Variants in KTN1 observed in about 807,000 individuals in gnomAD.
The protein encoded by KTN1 is kinectin.
Under a neutral mutation model 222.5 loss-of-function variants are expected in KTN1, and 130 were observed. The ratio of observed to expected loss-of-function variants is 0.58; its 90% confidence interval spans 0.51 to 0.68. KTN1 has a LOEUF of 0.68. Among genes scored for constraint, KTN1 ranks in the 30% least tolerant of loss-of-function variants. The pLI is 0.00. For missense variants in KTN1, 1,508 were observed against 1,500.4 expected (o/e 1.01, Z -0.08); for synonymous variants, 512 against 496.3 (o/e 1.03, Z -0.42).
chr14:55,616,078 A>AT (rs35883742), intron 2 of KTN1, among the ~76,000 whole-genome samples: 1 of 151,438 alleles, frequency 6.6e-6, no homozygotes, highest in Non-Finnish European at 1.5e-5. Context: ...CACCTGGCTA[A>AT]TTTTTTTTAT....
At chr14:55,627,842 A>T in intron 5 of KTN1, 70 bp from the exon 6 acceptor site, 2 of 870,746 alleles carry the variant, frequency 2.3e-6, no homozygotes, top group Non-Finnish European at 3.9e-6. Flanking sequence ...TATGTGCCAC[A>T]TTTCATTTTC....
In KTN1 at chr14:55,635,370, C is replaced by T. The variant is rs2041003076; in HGVS notation, c.1461+712C>T. On this transcript the variant is annotated intron_variant, in intron 9 of 43. Transcript: ENST00000395314. ...TAGTTAAAAATTACCCTTAATACCA[C>T]TTTATCACCCATAGCTTGGATTTTT... 2.6e-5 allele frequency among the ~76,000 whole-genome samples: 4 copies of T among 152,314 alleles called. No homozygotes were observed. In the South Asian group the frequency reaches 6.2e-4, roughly 24 times the overall value.
At chr14:55,607,597 A>G (rs758319853) in intron 1 of KTN1, 49 of 152,204 alleles carry the variant, frequency 3.2e-4, no homozygotes, top group Admixed American at 2.4e-3. Flanking sequence ...TTGCTTTCCT[A>G]TTGTTCCATG....
chr14:55,652,185 A>G (rs1283003192), intron 25 of KTN1, among the ~76,000 whole-genome samples: 9 of 152,108 alleles, frequency 5.9e-5, no homozygotes, highest in African/African-American at 2.2e-4. Context: ...CTCTTTGCCT[A>G]TTTTAATAGC....
chr14:55,592,342 T>G (rs2034289669), intron 1 of KTN1, among the ~76,000 whole-genome samples: 1 of 152,248 alleles, frequency 6.6e-6, no homozygotes, highest in Admixed American at 6.5e-5. Context: ...GGCTAAAATG[T>G]GTTTATTTAT....
chr14:55,596,762 G>C (rs999252660), intron 1 of KTN1, among the ~76,000 whole-genome samples: 2 of 151,380 alleles, frequency 1.3e-5, no homozygotes, highest in Non-Finnish European at 2.9e-5. Flanking sequence ...TTTTTGCTTA[G>C]GTTTCCTATT....
chr14:55,623,318 A>T (rs772102491), intron 5 of KTN1, among the ~76,000 whole-genome samples: 4 of 152,270 alleles, frequency 2.6e-5, no homozygotes, highest in Non-Finnish European at 2.9e-5. Flanking sequence ...AAATATGATA[A>T]ATGTGACTTT....
At position 55,640,928 on chromosome 14, in the gene KTN1, C is replaced by A; in HGVS notation, c.1984-5C>A. 1 of 1,611,590 alleles carries A rather than the reference C, an allele frequency of 6.2e-7. No homozygotes were observed. Among genetic ancestry groups the A allele is most frequent in the Non-Finnish European group, 8.5e-7 (1 of 1,178,288 alleles). On this transcript the variant is annotated splice_region_variant and splice_polypyrimidine_tract_variant and intron_variant, in intron 15 of 43. Transcript: ENST00000395314. Reference sequence around the variant, plus strand: ...GATATCATTTTCTTCTCATTCCACACACAGGCTGCTGCTGCACATGAATTG... The same window carrying A: ...GATATCATTTTCTTCTCATTCCACAAACAGGCTGCTGCTGCACATGAATTG...
intron 34 of KTN1, among the ~76,000 whole-genome samples, chr14:55,669,826 TTTG>T (rs1047208244): frequency 6.6e-6 from 1 of 151,998 alleles, no homozygotes; most frequent in African/African-American, 2.4e-5. Flanking sequence ...ACTTTTGTTT[TTTG>T]TTATTTGATA....
In KTN1 at chr14:55,656,054, G is replaced by A. The variant is rs772417973; in HGVS notation, c.2814G>A (p.Lys938=). ...TAAAAAATTCTAGGTTGAAAGAAAA[G>A]GAAAATGAATTGAAGAGGTTAGAAG... ...FEELEIVLKE[K]ENELKRLEAM... is the part of the protein sequence containing the mutation. Residue 938 remains lysine (K), a synonymous_variant, in exon 29 of 44, where the codon AAG becomes AAA. Coordinates refer to ENST00000395314, the MANE Select transcript of KTN1 (RefSeq NM_001079521.2). The A allele has an allele frequency of 5.6e-6, 9 of 1,599,160 alleles. No homozygotes were observed. In the South Asian group the frequency reaches 6.8e-5, roughly 12 times the overall value.
In KTN1 at chr14:55,639,789, G is replaced by C. The variant is rs1595026490; in HGVS notation, c.1824-124G>C. 17 of 640,980 alleles carry C rather than the reference G, an allele frequency of 2.7e-5. No homozygotes were observed. In the East Asian group the frequency reaches 4.4e-4, roughly 17 times the overall value. The allele number at this position is 640,980 out of a possible 1,614,324, so 39.7% of individuals were successfully genotyped here. ...GACAGTTGTTAGTAAACTGAAAGGGGCTATAGAAATGGAAGGTATATGAGA... is the reference window on the plus strand; with the variant it reads ...GACAGTTGTTAGTAAACTGAAAGGGCCTATAGAAATGGAAGGTATATGAGA... On this transcript the variant is annotated intron_variant, in intron 13 of 43. Coordinates refer to ENST00000395314, the MANE Select transcript of KTN1 (RefSeq NM_001079521.2).
intron 21 of KTN1, among the ~76,000 whole-genome samples, chr14:55,649,253 T>G (rs2042698396): frequency 6.6e-6 from 1 of 152,196 alleles, no homozygotes. Context: ...GTGGGCAAAC[T>G]GTTGCATAAA....
At chr14:55,652,735 T>A (rs992402468) in intron 25 of KTN1, 115 bp from the exon 26 acceptor site, 5 of 664,168 alleles carry the variant, frequency 7.5e-6, no homozygotes, top group Non-Finnish European at 1.3e-5. Flanking sequence ...TTAGTTTAGT[T>A]CAATCAGCTG....
Position 55,640,809 on chromosome 14 carries a change from T to A in KTN1, c.1984-124T>A, listed in dbSNP as rs1045507546. 4.0e-6 allele frequency: 3 copies of A among 744,544 alleles called. No homozygotes were observed. The Admixed American group carries it at 8.0e-5, about 20-fold the overall frequency. 46.1% of individuals were successfully genotyped at this position (744,544 alleles called of 1,614,324 possible). A position where few individuals can be genotyped will look rare whatever the true frequency, so the allele number is the denominator to read the frequency against. The stretch of plus-strand genomic sequence containing the variant: ...AACAGCAAAACATGTTACAGAAATA[T>A]ACAGTATTGCTGTAACTTCAAATAT... On this transcript the variant is annotated intron_variant, in intron 15 of 43. Transcript: ENST00000395314.
chr14:55,639,003 G>A (rs2041457823), intron 12 of KTN1, among the ~76,000 whole-genome samples, 182 bp from the exon 13 acceptor site: 1 of 151,632 alleles, frequency 6.6e-6, no homozygotes, highest in East Asian at 1.9e-4. Context: ...ACTGGCTGTT[G>A]GTGATCAAAC....
intron 35 of KTN1, chr14:55,671,288 G>A (rs969164309): frequency 5.2e-5 from 21 of 403,230 alleles, no homozygotes; most frequent in Admixed American, 8.3e-5. Flanking sequence ...TGTAGCATAG[G>A]CATTGTGACC....
At chr14:55,652,621 G>T (rs541926238) in intron 25 of KTN1, among the ~76,000 whole-genome samples, 9 of 152,082 alleles carry the variant, frequency 5.9e-5, no homozygotes, top group East Asian at 1.9e-4. Flanking sequence ...GGATGGTCTT[G>T]ATCTCCTGAC....
chr14:55,679,892 G>A (rs886982858), intron 43 of KTN1: 9 of 552,234 alleles, frequency 1.6e-5, no homozygotes, highest in African/African-American at 1.6e-4. Flanking sequence ...GGGGTTATCT[G>A]TGCCTCCTTT....
chr14:55,665,428 G>A (rs2044615354), intron 33 of KTN1, among the ~76,000 whole-genome samples: 1 of 151,848 alleles, frequency 6.6e-6, no homozygotes, highest in South Asian at 2.1e-4. Context: ...ATGCCTTCTT[G>A]CATAGCTAAA....
Sources: gnomAD v4.1 joint callset for allele counts (sites outside exome capture counted in the v4.1 genomes callset) on GRCh38, gnomAD v4.1.1 for gene constraint, MANE v1.5 for transcripts, NCBI Gene and HGNC (gene_info 2026-07-23, HGNC 2026-07-21) for gene names.